Variants in TENM3 observed in about 807,000 individuals in gnomAD.
TENM3 encodes the protein teneurin transmembrane protein 3, also known as teneurin-3.
In TENM3, 63 loss-of-function variants were observed where a neutral mutation model predicts 255.1. The observed-to-expected ratio is 0.25, with a 90% CI of 0.20 to 0.30. TENM3 has a LOEUF of 0.30. Ranked by LOEUF, TENM3 falls within the 10% of genes least tolerant of loss-of-function variation. The pLI, the probability that TENM3 is intolerant of heterozygous loss-of-function variation, is 1.00. For missense variants in TENM3, 2,929 were observed against 3,461.1 expected (o/e 0.85, Z 3.86); for synonymous variants, 1,306 against 1,322.3 (o/e 0.99, Z 0.27).
At chr4:182,388,117 G>A (rs1027195435) in intron 3 of TENM3, among the ~76,000 whole-genome samples, 1 of 151,924 alleles carries the variant, frequency 6.6e-6, no homozygotes, top group Admixed American at 6.6e-5. Context: ...CAACCATCTG[G>A]GCATCTGGGG....
chr4:182,755,035 G>C lies in TENM3; in HGVS notation c.4668G>C (p.Val1556=). 6.2e-7 allele frequency: 1 copy of C among 1,613,920 alleles called. No homozygotes were observed. Among genetic ancestry groups the C allele is most frequent in the South Asian group, 1.1e-5 (1 of 91,074 alleles). The change falls in exon 22 of 28, where the codon GTG becomes GTC. Residue 1556 remains valine, a synonymous_variant. Coordinates refer to ENST00000511685, the MANE Select transcript of TENM3 (RefSeq NM_001080477.4). The part of the protein sequence containing the change: ...SYSNDNDITA[V]TDSNGNTLRI... ...GCAATGACAATGATATTACTGCTGT[G>C]ACAGACAGCAATGGCAACACCCTTA...
intron 3 of TENM3, among the ~76,000 whole-genome samples, chr4:182,515,073 A>G (rs1737801724): frequency 6.6e-6 from 1 of 152,214 alleles, no homozygotes; most frequent in Non-Finnish European, 1.5e-5. Context: ...GACTAAGAAG[A>G]CAATTTATCA....
intron 24 of TENM3, among the ~76,000 whole-genome samples, chr4:182,780,841 G>A (rs1413331923): frequency 6.6e-6 from 1 of 150,738 alleles, no homozygotes; most frequent in East Asian, 1.9e-4. Flanking sequence ...GTTCACTCCT[G>A]ATTTGGCTCT....
the TENM3 span, among the ~76,000 whole-genome samples, chr4:181,839,053 A>G: frequency 4.6e-5 from 7 of 151,594 alleles, no homozygotes. Context: ...GTAAATCGGT[A>G]ATGAAATTTG....
chr4:182,097,388 A>T, the TENM3 span, among the ~76,000 whole-genome samples: 24 of 152,138 alleles, frequency 1.6e-4, no homozygotes, highest in Admixed American at 1.1e-3. Flanking sequence ...GTTATATTAG[A>T]TGATCAATGA....
intron 1 of TENM3, among the ~76,000 whole-genome samples, chr4:182,156,690 A>G (rs1335308017): frequency 6.6e-6 from 1 of 151,462 alleles, no homozygotes; most frequent in Non-Finnish European, 1.5e-5. Flanking sequence ...AATTTACTGA[A>G]TCTGTAAAAA....
At chr4:181,594,663 C>T in the TENM3 span, among the ~76,000 whole-genome samples, 1 of 150,442 alleles carries the variant, frequency 6.6e-6, no homozygotes, top group Non-Finnish European at 1.5e-5. Flanking sequence ...TTAATGCCCT[C>T]AGTATGCTGA....
chr4:182,406,012 G>A (rs1235640932), intron 3 of TENM3, among the ~76,000 whole-genome samples: 2 of 151,904 alleles, frequency 1.3e-5, no homozygotes, highest in East Asian at 1.9e-4. Context: ...TGTGCAGGAC[G>A]AACTGGACTC....
chr4:181,529,758 G>A, the TENM3 span, among the ~76,000 whole-genome samples: 2 of 152,324 alleles, frequency 1.3e-5, no homozygotes, highest in Admixed American at 1.3e-4. Context: ...ACATTCGCGA[G>A]ATGGCTACTT....
intron 13 of TENM3, among the ~76,000 whole-genome samples, chr4:182,717,498 C>T (rs1227446785): frequency 2.6e-5 from 4 of 152,204 alleles, no homozygotes; most frequent in Non-Finnish European, 5.9e-5. Flanking sequence ...GGTCTCCACT[C>T]TCTATGAAAT....
Position 182,773,489 on chromosome 4 carries a change from G to A in TENM3, c.4910G>A (p.Arg1637His), listed in dbSNP as rs200629848. Residue 1637 changes from arginine (R) to histidine (H), a missense_variant, in exon 23 of 28, where the codon CGT becomes CAT. Arg to His is a conservative substitution (Grantham distance 29). Transcript: ENST00000511685. ...GTATTTAGCTATGACAGTGAAGGTC[G>A]TCTGACAAATGTTACGTTTCCAACT... ...TTFFDYDSEG[R>H]LTNVTFPTGV... The A allele has an allele frequency of 5.6e-5, 91 of 1,612,058 alleles. No homozygotes were observed. The East Asian group carries it at 1.1e-3, about 20-fold the overall frequency.
Position 182,661,662 on chromosome 4 carries a change from T to C in TENM3, c.1111+7769T>C, listed in dbSNP as rs149227907. Among the ~76,000 whole-genome samples the C allele has an allele frequency of 7.0e-3, 1,066 of 152,296 alleles. 12 individuals are homozygous for C. The highest frequency in any genetic ancestry group is 0.012 in the Non-Finnish European group (816 of 68,024). Reference sequence around the variant, plus strand: ...TGGCATGCGGTTGTTTATAAAAAGATATGTTCTCTCAGAGATCTCAAAGCC... The same window carrying C: ...TGGCATGCGGTTGTTTATAAAAAGACATGTTCTCTCAGAGATCTCAAAGCC... On this transcript the variant is annotated intron_variant, in intron 6 of 27. Transcript: ENST00000511685.
intron 3 of TENM3, among the ~76,000 whole-genome samples, chr4:182,580,908 A>G (rs888947550): frequency 1.2e-4 from 18 of 152,230 alleles, no homozygotes; most frequent in Admixed American, 7.2e-4. Flanking sequence ...AAGTTAGAAA[A>G]TATTCTAAGA....
chr4:182,178,983 T>A (rs1752683365), intron 1 of TENM3, among the ~76,000 whole-genome samples: 1 of 152,226 alleles, frequency 6.6e-6, no homozygotes, highest in Admixed American at 6.5e-5. Flanking sequence ...TCTGCTGTTT[T>A]CAACGAATTC....
At chr4:182,310,141 T>C (rs1413541213) in intron 1 of TENM3, among the ~76,000 whole-genome samples, 1 of 152,190 alleles carries the variant, frequency 6.6e-6, no homozygotes, top group African/African-American at 2.4e-5. Context: ...CCCAGTTGTA[T>C]TGATATAGTT....
the TENM3 span, among the ~76,000 whole-genome samples, chr4:181,594,828 A>G: frequency 6.6e-6 from 1 of 152,150 alleles, no homozygotes; most frequent in Non-Finnish European, 1.5e-5. Context: ...ACACCCACAC[A>G]CATCTCACAA....
At chr4:181,620,680 AAAAG>A in the TENM3 span, among the ~76,000 whole-genome samples, 51 of 151,938 alleles carry the variant, frequency 3.4e-4, no homozygotes, top group Admixed American at 1.2e-3. Flanking sequence ...AAAAAAAAGA[AAAAG>A]AGGAGGAAAG....
chr4:182,565,268 AC>A (rs1446743721), intron 3 of TENM3, among the ~76,000 whole-genome samples: 1 of 152,200 alleles, frequency 6.6e-6, no homozygotes, highest in Non-Finnish European at 1.5e-5. Flanking sequence ...AGATAATAGA[AC>A]CGAAGAACTG....
the TENM3 span, among the ~76,000 whole-genome samples, chr4:181,641,367 C>T: frequency 6.6e-6 from 1 of 151,176 alleles, no homozygotes; most frequent in East Asian, 2.0e-4. Flanking sequence ...CGGTGTGTGA[C>T]GTTCCCCTCC....
Sources: gnomAD v4.1 joint callset for allele counts (sites outside exome capture counted in the v4.1 genomes callset) on GRCh38, gnomAD v4.1.1 for gene constraint, MANE v1.5 for transcripts, NCBI Gene and HGNC (gene_info 2026-07-23, HGNC 2026-07-21) for gene names.